Variants in CTNNA3 observed in about 807,000 individuals in gnomAD.
CTNNA3 encodes the protein catenin alpha-3.
A neutral mutation model predicts 95.7 loss-of-function variants in CTNNA3; 76 were observed. That is an observed-to-expected ratio of 0.79 (90% confidence interval 0.66 to 0.96). The LOEUF (loss-of-function observed/expected upper bound fraction) is 0.96. Ranked by LOEUF, CTNNA3 falls within the 40% of genes least tolerant of loss-of-function variation. CTNNA3 has a pLI of 0.00. For missense variants in CTNNA3, 1,191 were observed against 1,089.8 expected (o/e 1.09, Z -1.31); for synonymous variants, 431 against 374.4 (o/e 1.15, Z -1.74).
intron 12 of CTNNA3, among the ~76,000 whole-genome samples, chr10:66,288,516 T>TA (rs1292619826): frequency 6.6e-6 from 1 of 152,144 alleles, no homozygotes. Context: ...AAAGTTGTGT[T>TA]GTTTAATACA....
At chr10:66,139,194 C>T (rs1002503266) in intron 13 of CTNNA3, among the ~76,000 whole-genome samples, 3 of 152,112 alleles carry the variant, frequency 2.0e-5, no homozygotes, top group South Asian at 2.1e-4. Context: ...AAATGTTAGG[C>T]GAGAAATAAA....
chr10:67,276,942 A>T (rs902379782), intron 5 of CTNNA3, among the ~76,000 whole-genome samples: 3 of 152,080 alleles, frequency 2.0e-5, no homozygotes, highest in African/African-American at 4.8e-5. Context: ...ACATATGTTC[A>T]TCTTGAAGAA....
chr10:67,661,041 G>A (rs1840170799), intron 1 of CTNNA3, among the ~76,000 whole-genome samples: 1 of 152,052 alleles, frequency 6.6e-6, no homozygotes, highest in Non-Finnish European at 1.5e-5. Flanking sequence ...TAAGGCTGCA[G>A]AGAAACAAAT....
chr10:67,691,600 G>A (rs1351654606), intron 1 of CTNNA3, among the ~76,000 whole-genome samples: 3 of 150,454 alleles, frequency 2.0e-5, no homozygotes, highest in African/African-American at 7.4e-5. Flanking sequence ...GAGAAGTGAG[G>A]AGACCCTCTG....
intron 13 of CTNNA3, among the ~76,000 whole-genome samples, chr10:66,185,675 A>G (rs1388821559): frequency 6.6e-6 from 1 of 152,008 alleles, no homozygotes; most frequent in Non-Finnish European, 1.5e-5. Context: ...GTAGGTTTTC[A>G]GCTTTACAGA....
intron 13 of CTNNA3, among the ~76,000 whole-genome samples, chr10:66,188,746 G>GA (rs1410337263): frequency 1.3e-5 from 2 of 151,836 alleles, no homozygotes; most frequent in Non-Finnish European, 2.9e-5. Context: ...ATGAAGTAAT[G>GA]ACTCCCAGAT....
intron 9 of CTNNA3, among the ~76,000 whole-genome samples, chr10:66,679,641 T>G (rs983285361): frequency 2.0e-5 from 3 of 152,212 alleles, no homozygotes; most frequent in Non-Finnish European, 4.4e-5. Flanking sequence ...TTTTATCACC[T>G]GTATGTTTTC....
chr10:67,741,215 C>T (rs1161740683), intron 1 of CTNNA3, among the ~76,000 whole-genome samples: 2 of 150,088 alleles, frequency 1.3e-5, no homozygotes, highest in South Asian at 2.2e-4. Flanking sequence ...TGCTAGATGA[C>T]GAGTTAGTGG....
At chr10:66,997,824 A>C (rs1299703582) in intron 7 of CTNNA3, among the ~76,000 whole-genome samples, 5 of 152,176 alleles carry the variant, frequency 3.3e-5, no homozygotes, top group Non-Finnish European at 7.4e-5. Context: ...AACTATCCAC[A>C]AAATCACCCA....
chr10:66,255,759 G>A (rs2090744519), intron 13 of CTNNA3, among the ~76,000 whole-genome samples: 1 of 152,184 alleles, frequency 6.6e-6, no homozygotes. Context: ...GGCAAATGAA[G>A]ATTTGGGAAA....
intron 7 of CTNNA3, among the ~76,000 whole-genome samples, chr10:66,967,884 G>A (rs1487683855): frequency 1.3e-5 from 2 of 152,100 alleles, no homozygotes; most frequent in African/African-American, 4.8e-5. Flanking sequence ...AAGGGAGGAA[G>A]TCATTGTACT....
chr10:66,836,897 T>C (rs984255811), intron 7 of CTNNA3, among the ~76,000 whole-genome samples: 2 of 151,904 alleles, frequency 1.3e-5, no homozygotes, highest in Non-Finnish European at 2.9e-5. Flanking sequence ...CCACGTATCA[T>C]TTTTTTAATG....
At chr10:67,024,524 C>T (rs1853231286) in intron 7 of CTNNA3, among the ~76,000 whole-genome samples, 2 of 152,138 alleles carry the variant, frequency 1.3e-5, no homozygotes, top group African/African-American at 2.4e-5. Flanking sequence ...CATTATTTGG[C>T]CTACCATAAG....
At chr10:66,610,808 T>A (rs568153732) in intron 10 of CTNNA3, among the ~76,000 whole-genome samples, 1 of 152,174 alleles carries the variant, frequency 6.6e-6, no homozygotes, top group South Asian at 2.1e-4. Context: ...AATCAATATG[T>A]TAAAGAGGTA....
intron 7 of CTNNA3, among the ~76,000 whole-genome samples, chr10:66,943,287 ATTAG>A (rs1848110891): frequency 6.6e-6 from 1 of 151,938 alleles, no homozygotes; most frequent in Non-Finnish European, 1.5e-5. Context: ...GTGTGGATTC[ATTAG>A]TTAATTAGTT....
intron 7 of CTNNA3, among the ~76,000 whole-genome samples, chr10:66,933,627 G>T (rs1589445628): frequency 6.6e-6 from 1 of 152,026 alleles, no homozygotes; most frequent in African/African-American, 2.4e-5. Flanking sequence ...TTCTCCCCTG[G>T]CCACTCCAGT....
At chr10:66,884,640 A>G (rs750066194) in intron 7 of CTNNA3, among the ~76,000 whole-genome samples, 28 of 152,118 alleles carry the variant, frequency 1.8e-4, no homozygotes, top group Non-Finnish European at 4.0e-4. Flanking sequence ...CTGACCCAGA[A>G]CCAGAGCTAA....
chr10:66,242,643 C>CA (rs762330197), intron 13 of CTNNA3, among the ~76,000 whole-genome samples: 1 of 152,166 alleles, frequency 6.6e-6, no homozygotes, highest in Non-Finnish European at 1.5e-5. Flanking sequence ...TAAATGTTGA[C>CA]ATGTGGACCA....
At chr10:66,164,609 T>C (rs2085028360) in intron 13 of CTNNA3, among the ~76,000 whole-genome samples, 1 of 152,100 alleles carries the variant, frequency 6.6e-6, no homozygotes, top group South Asian at 2.1e-4. Context: ...GAGAATTAAG[T>C]TAAATAATCC....
Sources: gnomAD v4.1 joint callset for allele counts (sites outside exome capture counted in the v4.1 genomes callset) on GRCh38, gnomAD v4.1.1 for gene constraint, MANE v1.5 for transcripts, NCBI Gene and HGNC (gene_info 2026-07-23, HGNC 2026-07-21) for gene names.